Variants in GALNT13 observed in about 807,000 individuals in gnomAD.
The protein encoded by GALNT13 is UDP-GalNAc:polypeptide N-acetylgalactosaminyltransferase 13.
A neutral mutation model predicts 64.2 loss-of-function variants in GALNT13; 28 were observed. The observed-to-expected ratio is 0.44, with a 90% CI of 0.32 to 0.60. GALNT13 has a LOEUF of 0.60. Ranked by LOEUF, GALNT13 falls within the 20% of genes least tolerant of loss-of-function variation. GALNT13 has a pLI of 0.05. For synonymous variants in GALNT13, 214 were observed against 224.6 expected, an observed-to-expected ratio of 0.95 and a Z score of 0.42; for missense variants, 577 against 669.8, an observed-to-expected ratio of 0.86 and a Z score of 1.53.
the GALNT13 span, among the ~76,000 whole-genome samples, chr2:153,460,280 T>C: frequency 6.6e-6 from 1 of 152,124 alleles, no homozygotes; most frequent in Non-Finnish European, 1.5e-5. Flanking sequence ...TATAATTTTA[T>C]TTTTAGTCAC....
At chr2:153,864,513 T>C in the GALNT13 span, among the ~76,000 whole-genome samples, 1 of 152,196 alleles carries the variant, frequency 6.6e-6, no homozygotes, top group Non-Finnish European at 1.5e-5. Flanking sequence ...ACATTGATTT[T>C]GTATCCTGAG....
chr2:153,281,076 G>A, the GALNT13 span, among the ~76,000 whole-genome samples: 1 of 151,966 alleles, frequency 6.6e-6, no homozygotes, highest in Non-Finnish European at 1.5e-5. Context: ...GAATAGCTAG[G>A]TTTTCTTGTT....
At chr2:153,941,485 A>C (rs16835427) in intron 2 of GALNT13, among the ~76,000 whole-genome samples, 2 of 152,058 alleles carry the variant, frequency 1.3e-5, no homozygotes, top group East Asian at 3.9e-4. Context: ...TTGGCAAGCC[A>C]GGGATATTGA....
chr2:154,332,995 C>T (rs1695248587), intron 9 of GALNT13, among the ~76,000 whole-genome samples: 2 of 152,074 alleles, frequency 1.3e-5, no homozygotes, highest in South Asian at 4.1e-4. Context: ...GAATTAATCA[C>T]TTCATTCTCA....
At chr2:153,265,647 C>T in the GALNT13 span, among the ~76,000 whole-genome samples, 1 of 152,252 alleles carries the variant, frequency 6.6e-6, no homozygotes, top group South Asian at 2.1e-4. Context: ...GATCTCTAAT[C>T]TGATTTTTGA....
chr2:153,966,659 C>T (rs368749595), intron 3 of GALNT13, among the ~76,000 whole-genome samples: 3 of 152,030 alleles, frequency 2.0e-5, no homozygotes, highest in Admixed American at 6.6e-5. Context: ...TGAGCCACCG[C>T]GACCGGCCCC....
At chr2:153,356,803 T>C in the GALNT13 span, among the ~76,000 whole-genome samples, 28 of 136,182 alleles carry the variant, frequency 2.1e-4, 1 homozygote, top group African/African-American at 6.9e-4. Context: ...TTTTTTTTTT[T>C]TTTTTTTTTT....
chr2:154,188,233 AATG>A (rs1445611734), intron 4 of GALNT13, among the ~76,000 whole-genome samples: 3 of 152,134 alleles, frequency 2.0e-5, no homozygotes, highest in Non-Finnish European at 4.4e-5. Flanking sequence ...CACGCAGAAT[AATG>A]ATAAGAGGTC....
chr2:153,315,766 C>T, the GALNT13 span, among the ~76,000 whole-genome samples: 1 of 152,050 alleles, frequency 6.6e-6, no homozygotes, highest in African/African-American at 2.4e-5. Flanking sequence ...TAAGTAGTTG[C>T]TAAGATTGGT....
chr2:154,349,183 A>G (rs899486697), intron 9 of GALNT13, among the ~76,000 whole-genome samples: 6 of 152,168 alleles, frequency 3.9e-5, no homozygotes, highest in African/African-American at 1.4e-4. Context: ...GAGAGCTATA[A>G]AGCAAGAGCC....
chr2:153,761,979 C>A, the GALNT13 span: 3 of 180,344 alleles, frequency 1.7e-5, no homozygotes, highest in South Asian at 2.8e-4. Context: ...GAAATGTTAT[C>A]TTCTGGCCAT....
At chr2:154,339,353 G>T (rs940893896) in intron 9 of GALNT13, among the ~76,000 whole-genome samples, 2 of 151,942 alleles carry the variant, frequency 1.3e-5, no homozygotes, top group African/African-American at 4.8e-5. Context: ...TTTCTAATTT[G>T]GAGGAACTTT....
At chr2:153,979,973 G>A (rs1027323459) in intron 3 of GALNT13, among the ~76,000 whole-genome samples, 1 of 152,154 alleles carries the variant, frequency 6.6e-6, no homozygotes, top group Non-Finnish European at 1.5e-5. Flanking sequence ...TATGTGCTGT[G>A]ATATGAGAGT....
chr2:153,136,635 T>C, the GALNT13 span, among the ~76,000 whole-genome samples: 80,859 of 151,854 alleles, frequency 0.53, 23,778 homozygotes, highest in South Asian at 0.68. Context: ...GCAGGAAAAT[T>C]TTTAATTAAC....
At chr2:153,086,998 G>C in the GALNT13 span, among the ~76,000 whole-genome samples, 1 of 152,066 alleles carries the variant, frequency 6.6e-6, no homozygotes, top group African/African-American at 2.4e-5. Context: ...TGATTGCTCT[G>C]GCTAGAACTT....
chr2:153,200,647 T>C, the GALNT13 span, among the ~76,000 whole-genome samples: 2 of 152,202 alleles, frequency 1.3e-5, no homozygotes, highest in Non-Finnish European at 2.9e-5. Flanking sequence ...GTGGGATGAA[T>C]GAATTAAAAA....
At chr2:153,533,053 C>T in the GALNT13 span, among the ~76,000 whole-genome samples, 17 of 152,212 alleles carry the variant, frequency 1.1e-4, no homozygotes, top group South Asian at 3.5e-3. Flanking sequence ...GTATTCGATT[C>T]TCTTTTTGCT....
chr2:153,384,624 G>T, the GALNT13 span, among the ~76,000 whole-genome samples: 5 of 151,964 alleles, frequency 3.3e-5, no homozygotes, highest in Non-Finnish European at 2.9e-5. Flanking sequence ...TGAAATTTAT[G>T]TGAAAATCTT....
chr2:153,453,377 G>C, the GALNT13 span, among the ~76,000 whole-genome samples: 1 of 152,040 alleles, frequency 6.6e-6, no homozygotes, highest in Non-Finnish European at 1.5e-5. Context: ...GCTTTCCATA[G>C]AGGCCAAATA....
Sources: allele counts gnomAD v4.1 joint callset (sites outside exome capture counted in the v4.1 genomes callset), GRCh38; gene constraint gnomAD v4.1.1; transcripts MANE v1.5; gene names NCBI Gene and HGNC (gene_info 2026-07-23, HGNC 2026-07-21).